MRPS11: variants seen among roughly 807,000 people sequenced by gnomAD.
The protein encoded by MRPS11 is mitochondrial ribosomal protein S11, also known as small ribosomal subunit protein uS11m.
In MRPS11, 27 loss-of-function variants were observed where a neutral mutation model predicts 24.3. The ratio of observed to expected loss-of-function variants is 1.11; its 90% CI spans 0.82 to 1.53. MRPS11 has a LOEUF of 1.53. Among genes scored for constraint, MRPS11 ranks in the 40% most tolerant of loss-of-function variants. MRPS11 has a pLI of 0.00. For missense variants in MRPS11, 277 were observed against 256.5 expected, an observed-to-expected ratio of 1.08 and a Z score of -0.55; for synonymous variants, 104 against 98.7, an observed-to-expected ratio of 1.05 and a Z score of -0.32.
Position 88,467,909 on chromosome 15 carries a change from A to C in MRPS11, c.67A>C (p.Arg23=), listed in dbSNP as rs201819898. ...CCCTCACCGAGCTTTTCTTCCCAGCAGGGTCGTGGCCAGAACGCCGGCCGG... is the reference window on the plus strand; with the variant it reads ...CCCTCACCGAGCTTTTCTTCCCAGCCGGGTCGTGGCCAGAACGCCGGCCGG... ...RSWTWPQTAG[R]VVARTPAGTI... Residue 23 remains arginine (R), a splice_region_variant and synonymous_variant, in exon 2 of 6, where the codon AGG becomes CGG. Coordinates refer to ENST00000325844, the MANE Select transcript of MRPS11 (RefSeq NM_022839.5). 21 of 1,613,630 alleles carry C rather than the reference A, an allele frequency of 1.3e-5. No homozygotes were observed. The Admixed American group carries it at 1.8e-4, about 14-fold the overall frequency.
In MRPS11 at chr15:88,468,035, C is replaced by T. The variant is rs572344752; in HGVS notation, c.182+11C>T. ...CCACACCAAGTTCAGGTGAGCCCCA[C>T]TTGGACCAGCCCTCTGGAGACCCGC... On this transcript the variant is annotated intron_variant, in intron 2 of 5. Transcript: ENST00000325844. 13 of 1,595,074 alleles carry T rather than the reference C, an allele frequency of 8.2e-6. No homozygotes were observed. The highest frequency in any genetic ancestry group is 1.1e-5 in the Non-Finnish European group (13 of 1,170,492).
At chr15:88,468,421 AG>A in intron 2 of MRPS11, 1 of 1,062,806 alleles carries the variant, frequency 9.4e-7, no homozygotes, top group East Asian at 7.2e-5. Context: ...CGGATGGTCC[AG>A]GGTGGGTTTT....
rs913292564 is a variant in MRPS11, at chr15:88,469,555, G to C, written c.182+1531G>C. On this transcript the variant is annotated intron_variant, in intron 2 of 5. Transcript: ENST00000325844. This position sits in a 1 kb window ranked among gnomAD's most constrained non-coding sequence, Gnocchi z 4.4. The stretch of plus-strand genomic sequence containing the variant: ...CACATTCTGTAGGACTTTGTAGGCC[G>C]TTGTGAGGACTTCAGCTTTTACTGT... 1.3e-5 allele frequency among the ~76,000 whole-genome samples: 2 copies of C among 152,200 alleles called. No individual in the cohort carries two copies. The highest frequency in any genetic ancestry group is 4.8e-5 in the African/African-American group (2 of 41,454).
rs1295644819 is a variant in MRPS11 at position 88,467,929 on chromosome 15, G to A, written c.87G>A (p.Pro29=). ...QTAGRVVART[P]AGTICTGARQ... ...CCAGCAGGGTCGTGGCCAGAACGCC[G>A]GCCGGGACCATCTGCACAGGCGCTC... The change falls in exon 2 of 6, where the codon CCG becomes CCA. Residue 29 remains proline (P), a synonymous_variant. Coordinates refer to ENST00000325844, the MANE Select transcript of MRPS11 (RefSeq NM_022839.5). 4.3e-6 allele frequency: 7 copies of A among 1,613,506 alleles called. No individual in the cohort carries two copies. Among genetic ancestry groups the A allele is most frequent in the African/African-American group, 1.3e-5 (1 of 74,906 alleles).
Position 88,477,891 on chromosome 15 carries a change from T to A in MRPS11, c.497T>A (p.Ile166Asn), listed in dbSNP as rs1415529603. Residue 166 changes from isoleucine (I) to asparagine (N), a missense_variant, in exon 6 of 6, where the codon ATC (isoleucine) becomes AAC (asparagine). Physicochemically the swap from Ile to Asn is moderately radical, Grantham distance 149. Transcript: ENST00000325844. The surrounding 1 kb of genome is among the most constrained non-coding windows in gnomAD (Gnocchi z 5.7). ...TTCCAGTCTGCCATGCACGGACTGA[T>A]CATGGGCGGCCTGGAAGTGATCTCA... is the stretch of plus-strand genomic sequence containing the variant. Reference protein sequence around the residue: ...PGRLSAMHGLIMGGLEVISIT... With the variant: ...PGRLSAMHGLNMGGLEVISIT... 1 of 1,614,124 alleles carries A rather than the reference T, an allele frequency of 6.2e-7. No homozygotes were observed.
rs995667369 is a variant in MRPS11, at chr15:88,478,079, A to G, written c.*100A>G. On this transcript the variant is annotated 3_prime_UTR_variant, in exon 6 of 6. Transcript: ENST00000325844. This position sits in a 1 kb window ranked among gnomAD's most constrained non-coding sequence, Gnocchi z 4.7. ...GAGCTCTCCAGAATATGCTTGTTGGAGATCCTTCAGGCAGTAAGGGAGAGT... is the reference window on the plus strand; with the variant it reads ...GAGCTCTCCAGAATATGCTTGTTGGGGATCCTTCAGGCAGTAAGGGAGAGT... The G allele has an allele frequency of 1.3e-5, 12 of 951,716 alleles. No homozygotes were observed. In the African/African-American group the frequency reaches 1.9e-4, roughly 15 times the overall value. 59.0% of individuals were successfully genotyped at this position (951,716 alleles called of 1,614,324 possible).
At chr15:88,476,499 T>A (rs1386122546) in intron 4 of MRPS11, among the ~76,000 whole-genome samples, 1 of 152,262 alleles carries the variant, frequency 6.6e-6, no homozygotes, top group Non-Finnish European at 1.5e-5. Context: ...AAGAAGTATG[T>A]CACTGTTCAC....
chr15:88,476,611 C>T (rs1474449263), intron 4 of MRPS11: 1 of 178,524 alleles, frequency 5.6e-6, no homozygotes, highest in Non-Finnish European at 1.2e-5. Flanking sequence ...ACTCTAACTG[C>T]TTAGAGATTT....
chr15:88,472,535 C>A, intron 2 of MRPS11, 92 bp from the exon 3 acceptor site: 2 of 1,035,742 alleles, frequency 1.9e-6, no homozygotes, highest in South Asian at 1.5e-5. Context: ...CAGCAGGGGG[C>A]ACAGAGCTGT....
Position 88,475,862 on chromosome 15 carries a change from C to A in MRPS11, c.411+623C>A, listed in dbSNP as rs2055811234. 6.6e-6 allele frequency among the ~76,000 whole-genome samples: 1 copy of A among 152,112 alleles called. No homozygotes were observed. Among genetic ancestry groups the A allele is most frequent in the South Asian group, 2.1e-4 (1 of 4,826 alleles). ...GTCCCAGGTACTCGGGAGGCTGAGGCAGGAGAATCACTTGAACCCAGGAGG... is the reference window on the plus strand; with the variant it reads ...GTCCCAGGTACTCGGGAGGCTGAGGAAGGAGAATCACTTGAACCCAGGAGG... On this transcript the variant is annotated intron_variant, in intron 4 of 5. Transcript: ENST00000325844. The surrounding 1 kb of genome is among the most constrained non-coding windows in gnomAD (Gnocchi z 4.1).
intron 4 of MRPS11, among the ~76,000 whole-genome samples, chr15:88,476,029 A>G (rs2055815816): frequency 6.6e-6 from 1 of 152,196 alleles, no homozygotes; most frequent in Non-Finnish European, 1.5e-5. Flanking sequence ...GAGAGGACAT[A>G]GTATCGTGGG....
chr15:88,475,196 G>A lies in MRPS11; in HGVS notation c.368G>A (p.Gly123Asp), dbSNP rs1384932069. ...GTEGFRNAKK[G>D]TGIAAQTAGI... is the part of the protein sequence containing the mutation. The stretch of plus-strand genomic sequence containing the variant: ...GAGGGATTTCGGAATGCCAAGAAGG[G>A]CACAGGCATCGCAGCACAGACAGCA... The change falls in exon 4 of 6, where the codon GGC becomes GAC. Residue 123 changes from glycine (G) to aspartate (D), a missense_variant. Coordinates refer to ENST00000325844, the MANE Select transcript of MRPS11 (RefSeq NM_022839.5). This position sits in a 1 kb window ranked among gnomAD's most constrained non-coding sequence, Gnocchi z 4.1. 1 of 1,614,234 alleles carries A rather than the reference G, an allele frequency of 6.2e-7. No individual in the cohort carries two copies. Among genetic ancestry groups the A allele is most frequent in the Non-Finnish European group, 8.5e-7 (1 of 1,180,040 alleles).
chr15:88,472,528 CA>C (rs1168045070), intron 2 of MRPS11, 98 bp from the exon 3 acceptor site: 2 of 946,280 alleles, frequency 2.1e-6, no homozygotes, highest in African/African-American at 3.3e-5. Context: ...TAAGAAGCAG[CA>C]GGGGGCACAG....
At chr15:88,474,253 T>G (rs1165889144) in intron 3 of MRPS11, among the ~76,000 whole-genome samples, 1 of 152,234 alleles carries the variant, frequency 6.6e-6, no homozygotes, top group African/African-American at 2.4e-5. Context: ...TATAGTGTCA[T>G]AAGCATCAAA....
At position 88,475,166 on chromosome 15, in the gene MRPS11, GCA is replaced by G. The variant is rs1434766818; in HGVS notation, c.341_342del (p.Thr114ArgfsTer26). The G allele has an allele frequency of 6.2e-7, 1 of 1,614,114 alleles. No individual in the cohort carries two copies. Among genetic ancestry groups the G allele is most frequent in the Non-Finnish European group, 8.5e-7 (1 of 1,180,048 alleles). On this transcript the variant is annotated frameshift_variant, in exon 4 of 6. Coordinates refer to ENST00000325844, the MANE Select transcript of MRPS11 (RefSeq NM_022839.5). LOFTEE classifies it high-confidence loss of function. The surrounding 1 kb of genome is among the most constrained non-coding windows in gnomAD (Gnocchi z 4.1). The stretch of plus-strand genomic sequence containing the variant: ...GAGCCCCTTGCCTTTGCTTCCTGTG[GCA>G]CAGAGGGATTTCGGAATGCCAAGAA...
intron 2 of MRPS11, chr15:88,468,262 A>C: frequency 7.4e-7 from 1 of 1,345,604 alleles, no homozygotes; most frequent in Non-Finnish European, 9.6e-7. Flanking sequence ...CGTTAAATCA[A>C]TGAGTGAATG....
rs1448769761 is a variant in MRPS11, at chr15:88,479,322, A to G, written c.*1343A>G. 6.6e-6 allele frequency: 1 copy of G among 152,322 alleles called. No homozygotes were observed. Among genetic ancestry groups the G allele is most frequent in the East Asian group, 1.9e-4 (1 of 5,206 alleles). 9.4% of individuals were successfully genotyped at this position (152,322 alleles called of 1,614,324 possible). On this transcript the variant is annotated 3_prime_UTR_variant, in exon 6 of 6. Transcript: ENST00000325844. ...ACCAGAAGCTGAGAAGGAGTGGTCA[A>G]GTACACAAAAGCACTGTTCCTCCCA...
intron 3 of MRPS11, among the ~76,000 whole-genome samples, chr15:88,474,558 T>TAAAAAAAAAAA (rs2055781605): frequency 7.9e-6 from 1 of 126,150 alleles, no homozygotes; most frequent in African/African-American, 5.3e-5. Flanking sequence ...AAACTCCATC[T>TAAAAAAAAAAA]CAAAAAAAAA....
In MRPS11 at chr15:88,475,037, G is replaced by A. The variant is rs2055791107; in HGVS notation, c.282-73G>A. 2.1e-5 allele frequency: 33 copies of A among 1,556,184 alleles called. No individual in the cohort carries two copies. The highest frequency in any genetic ancestry group is 2.9e-5 in the Non-Finnish European group (33 of 1,146,114). On this transcript the variant is annotated intron_variant, in intron 3 of 5. Coordinates refer to ENST00000325844, the MANE Select transcript of MRPS11 (RefSeq NM_022839.5). The surrounding 1 kb of genome is among the most constrained non-coding windows in gnomAD (Gnocchi z 4.1). ...TTTTTCTTTCTCACCCAGGCTTCTAGGGGCATAGATTAGCTCTCTCTTATT... is the reference window on the plus strand; with the variant it reads ...TTTTTCTTTCTCACCCAGGCTTCTAAGGGCATAGATTAGCTCTCTCTTATT...
Sources: allele counts gnomAD v4.1 joint callset (sites outside exome capture counted in the v4.1 genomes callset), GRCh38; gene constraint gnomAD v4.1.1; non-coding constraint Gnocchi (gnomAD v3.1); transcripts MANE v1.5; gene names NCBI Gene and HGNC (gene_info 2026-07-23, HGNC 2026-07-21).